The following SLC8A1 variants were observed in gnomAD, a reference collection of about 807,000 sequenced individuals.
The protein encoded by SLC8A1 is sodium/calcium exchanger 1.
Under a neutral mutation model 68.3 loss-of-function variants are expected in SLC8A1, and 18 were observed. That is an observed-to-expected ratio of 0.26 (90% CI 0.18 to 0.39). The LOEUF (loss-of-function observed/expected upper bound fraction) is 0.39. Among genes scored for constraint, SLC8A1 ranks in the 10% least tolerant of loss-of-function variants. The probability of loss-of-function intolerance (pLI) is 1.00; values close to 1 mark genes in which losing one functional copy is unlikely to be tolerated. For synonymous variants in SLC8A1, 475 were observed against 415.5 expected (o/e 1.14, Z -1.74); for missense variants, 985 against 1,156.7 (o/e 0.85, Z 2.15).
exon 8 of SLC8A1, chr2:40,110,317 C>G (rs72942545): frequency 3.3e-5 from 5 of 151,988 alleles, no homozygotes; most frequent in Non-Finnish European, 5.9e-5. Flanking sequence ...CCATCGGGAC[C>G]GCCCAGCATT....
At chr2:40,341,443 G>A (rs974471384) in intron 2 of SLC8A1, among the ~76,000 whole-genome samples, 1 of 152,174 alleles carries the variant, frequency 6.6e-6, no homozygotes, top group East Asian at 1.9e-4. Context: ...AAGTAAATGA[G>A]ATAGTAGTTC....
At chr2:40,175,963 C>T (rs1029107541) in intron 3 of SLC8A1, 16 of 448,538 alleles carry the variant, frequency 3.6e-5, no homozygotes, top group Admixed American at 7.2e-5. Flanking sequence ...GACTTCTGTA[C>T]ATTATTAGAT....
At position 40,489,978 on chromosome 2, in the gene SLC8A1, A is replaced by G. The variant is rs560725230; in HGVS notation, c.-25+22371T>C. Among the ~76,000 whole-genome samples, 100 of 152,254 alleles carry G rather than the reference A, an allele frequency of 6.6e-4. 1 individual carries two copies. Among genetic ancestry groups the G allele is most frequent in the African/African-American group, 2.2e-3 (91 of 41,570 alleles). On this transcript the variant is annotated intron_variant, in intron 1 of 7. Coordinates refer to the SLC8A1 transcript ENST00000402441. ...ACATTCACTTGATGATACACTGCTA[A>G]CATTTTTACATTGTGTCACTAAATC...
rs551643997 is a variant in SLC8A1 at position 40,395,768 on chromosome 2, G to C, written c.1808+32705C>G. Among the ~76,000 whole-genome samples, 42 of 152,238 alleles carry C rather than the reference G, an allele frequency of 2.8e-4. 1 individual carries two copies. The highest frequency in any genetic ancestry group is 2.1e-3 in the East Asian group (11 of 5,166). ...GGAAAGGAAAAGATAGGGATATAGAGTCAGAGCTGTTCCTTAACCAAAGGC... is the reference window on the plus strand; with the variant it reads ...GGAAAGGAAAAGATAGGGATATAGACTCAGAGCTGTTCCTTAACCAAAGGC... On this transcript the variant is annotated intron_variant, in intron 2 of 7. Transcript: ENST00000406785.
At chr2:40,449,567 T>C (rs868629751) in intron 1 of SLC8A1, among the ~76,000 whole-genome samples, 3 of 152,340 alleles carry the variant, frequency 2.0e-5, no homozygotes, top group Middle Eastern at 3.4e-3. Context: ...GTAATTTTAT[T>C]GGGAGTCAAA....
At chr2:40,460,873 A>G (rs1036283792) in intron 1 of SLC8A1, among the ~76,000 whole-genome samples, 6 of 120,960 alleles carry the variant, frequency 5.0e-5, no homozygotes, top group African/African-American at 1.8e-4. Context: ...GCACCTGACT[A>G]TAAGGATTTT....
rs755112990 is a variant in SLC8A1 at position 40,429,705 on chromosome 2, G to A, written c.576C>T (p.Asp192=). The stretch of plus-strand genomic sequence containing the variant: ...AATGCTTAATCTTCCTTGTCTCTCC[G>A]TCAGGCACCACATAAACACAGAGTG... The change falls in exon 2 of 8, where the codon GAC becomes GAT. Residue 192 remains aspartate, a synonymous_variant. Coordinates refer to ENST00000406785, the Ensembl canonical transcript of SLC8A1. 7.6e-5 allele frequency: 122 copies of A among 1,613,666 alleles called. 1 individual carries two copies. The highest frequency in any genetic ancestry group is 3.3e-4 in the East Asian group (15 of 44,878).
At chr2:40,287,235 A>C (rs570270923) in intron 2 of SLC8A1, among the ~76,000 whole-genome samples, 1 of 152,310 alleles carries the variant, frequency 6.6e-6, no homozygotes, top group South Asian at 2.1e-4. Flanking sequence ...TTAGTAGAAA[A>C]GACAAACACA....
At chr2:40,246,582 C>G (rs2061895139) in intron 2 of SLC8A1, among the ~76,000 whole-genome samples, 2 of 152,196 alleles carry the variant, frequency 1.3e-5, no homozygotes, top group Admixed American at 6.5e-5. Context: ...TTCTTCTGCA[C>G]ATCTTGCCTT....
At chr2:40,507,925 C>T (rs1447181274) in intron 1 of SLC8A1, among the ~76,000 whole-genome samples, 1 of 151,930 alleles carries the variant, frequency 6.6e-6, no homozygotes, top group Non-Finnish European at 1.5e-5. Context: ...TTAACTGCAA[C>T]AACAAAAATA....
intron 5 of SLC8A1, 91 bp downstream of exon 8, chr2:40,164,763 T>C: frequency 6.6e-7 from 1 of 1,510,250 alleles, no homozygotes; most frequent in Non-Finnish European, 9.0e-7. Context: ...TACTACTCTT[T>C]CCAGGTGGAT....
intron 2 of SLC8A1, among the ~76,000 whole-genome samples, chr2:40,276,348 C>A (rs1350683651): frequency 6.6e-6 from 1 of 152,150 alleles, no homozygotes; most frequent in Non-Finnish European, 1.5e-5. Context: ...TGGTGACGGA[C>A]TGAGAAAACA....
intron 6 of SLC8A1, among the ~76,000 whole-genome samples, chr2:40,155,469 A>G (rs1442552406): frequency 6.6e-6 from 1 of 152,062 alleles, no homozygotes; most frequent in Non-Finnish European, 1.5e-5. Flanking sequence ...TTTTCAGATG[A>G]CCTAAGGCTA....
intron 2 of SLC8A1, among the ~76,000 whole-genome samples, chr2:40,329,805 G>A (rs2076229108): frequency 6.6e-6 from 1 of 152,186 alleles, no homozygotes; most frequent in African/African-American, 2.4e-5. Context: ...CCCACTGCAT[G>A]TGATGCTGAC....
At chr2:40,253,659 C>T (rs2063362896) in intron 2 of SLC8A1, among the ~76,000 whole-genome samples, 1 of 144,936 alleles carries the variant, frequency 6.9e-6, no homozygotes, top group Non-Finnish European at 1.5e-5. Context: ...AACCCTATCT[C>T]TACTAAAAAA....
intron 2 of SLC8A1, among the ~76,000 whole-genome samples, chr2:40,194,829 C>T (rs546956777): frequency 3.9e-5 from 6 of 152,058 alleles, no homozygotes; most frequent in African/African-American, 1.2e-4. Context: ...GAACTCAACC[C>T]GCCCACTGGA....
rs1489791389 is a variant in SLC8A1 at position 40,314,273 on chromosome 2, TTA to T, written c.1808+114198_1808+114199del. 2.4e-4 allele frequency among the ~76,000 whole-genome samples: 36 copies of T among 152,084 alleles called. 1 individual carries two copies. The highest frequency in any genetic ancestry group is 4.1e-4 in the Non-Finnish European group (28 of 67,968). ...TGCACAGAATTGCCTTGTATTTTTG[TTA>T]GAATAACAACAACAACAAAATCCAA... On this transcript the variant is annotated intron_variant, in intron 2 of 7. Coordinates refer to ENST00000406785, the Ensembl canonical transcript of SLC8A1.
intron 2 of SLC8A1, among the ~76,000 whole-genome samples, chr2:40,354,950 C>T (rs1282710281): frequency 6.6e-6 from 1 of 152,104 alleles, no homozygotes; most frequent in East Asian, 1.9e-4. Flanking sequence ...GCATAAAGAA[C>T]AGGCATAGAG....
At chr2:40,231,303 G>A (rs1276014393) in intron 2 of SLC8A1, among the ~76,000 whole-genome samples, 2 of 152,164 alleles carry the variant, frequency 1.3e-5, no homozygotes, top group Admixed American at 6.5e-5. Flanking sequence ...ATGTGCATAT[G>A]TAAGAAATGG....
Sources: gnomAD v4.1 joint callset for allele counts (sites outside exome capture counted in the v4.1 genomes callset) on GRCh38, gnomAD v4.1.1 for gene constraint, MANE v1.5 for transcripts, NCBI Gene and HGNC (gene_info 2026-07-23, HGNC 2026-07-21) for gene names.